The following AFAP1L2 variants were observed in gnomAD, a reference collection of about 807,000 sequenced individuals.
The protein encoded by AFAP1L2 is actin filament associated protein 1 like 2.
Under a neutral mutation model 99.3 loss-of-function variants are expected in AFAP1L2, and 46 were observed. That is an observed-to-expected ratio of 0.46 (90% CI 0.37 to 0.59). AFAP1L2 has a LOEUF of 0.59. Among genes scored for constraint, AFAP1L2 ranks in the 20% least tolerant of loss-of-function variants. The pLI, the probability that AFAP1L2 is intolerant of heterozygous loss-of-function variation, is 0.00. For missense variants in AFAP1L2, 959 were observed against 1,034.9 expected (o/e 0.93, Z 1.01); for synonymous variants, 397 against 419.1 (o/e 0.95, Z 0.64).
At chr10:114,326,824 CTATTCAA>C (rs150549537) in intron 4 of AFAP1L2, among the ~76,000 whole-genome samples, 37 of 152,048 alleles carry the variant, frequency 2.4e-4, no homozygotes, top group African/African-American at 8.4e-4. Flanking sequence ...GTGCCTATCA[CTATTCAA>C]TATTCAATAC....
the AFAP1L2 span, among the ~76,000 whole-genome samples, chr10:114,288,152 G>C: frequency 3.9e-5 from 6 of 152,148 alleles, no homozygotes; most frequent in Admixed American, 1.3e-4. Flanking sequence ...TGCATCCCCT[G>C]CACAGGAGAG....
chr10:114,342,872 G>C (rs1353834106), intron 1 of AFAP1L2, among the ~76,000 whole-genome samples: 1 of 152,252 alleles, frequency 6.6e-6, no homozygotes, highest in Non-Finnish European at 1.5e-5. Flanking sequence ...CAGCGTAGCT[G>C]TCTGTGTCGC....
downstream of AFAP1L2, among the ~76,000 whole-genome samples, chr10:114,292,990 AACC>A: frequency 6.6e-6 from 1 of 152,228 alleles, no homozygotes; most frequent in South Asian, 2.1e-4. Flanking sequence ...TACAGGGGTG[AACC>A]ACTGTGCCTG....
At chr10:114,397,289 G>T (rs2057814013) in intron 1 of AFAP1L2, among the ~76,000 whole-genome samples, 1 of 152,142 alleles carries the variant, frequency 6.6e-6, no homozygotes, top group Non-Finnish European at 1.5e-5. Context: ...GGCAACTACT[G>T]ATCTGTTTCC....
the AFAP1L2 span, among the ~76,000 whole-genome samples, chr10:114,288,589 A>G: frequency 1.3e-5 from 2 of 152,204 alleles, no homozygotes; most frequent in Non-Finnish European, 2.9e-5. Flanking sequence ...TTGAGGTCCA[A>G]GGTCACCATT....
At chr10:114,382,741 A>G (rs2055860015) in intron 1 of AFAP1L2, among the ~76,000 whole-genome samples, 1 of 151,882 alleles carries the variant, frequency 6.6e-6, no homozygotes, top group African/African-American at 2.4e-5. Context: ...GATTACAGGC[A>G]TGTGCCACCA....
chr10:114,315,044 G>A (rs1161671644), intron 6 of AFAP1L2, among the ~76,000 whole-genome samples: 1 of 152,208 alleles, frequency 6.6e-6, no homozygotes. Flanking sequence ...AGGAGGCTGA[G>A]GCAGGAGAAT....
At chr10:114,331,033 G>T (rs935969757) in intron 4 of AFAP1L2, among the ~76,000 whole-genome samples, 1 of 152,146 alleles carries the variant, frequency 6.6e-6, no homozygotes, top group Non-Finnish European at 1.5e-5. Flanking sequence ...TCTAAAGCAG[G>T]CCTGACCACA....
chr10:114,393,370 G>A (rs566427510), intron 1 of AFAP1L2: 16 of 152,336 alleles, frequency 1.1e-4, no homozygotes, highest in African/African-American at 3.8e-4. Flanking sequence ...CCTGATTGGT[G>A]AGCCCCTGTT....
At chr10:114,349,504 G>C (rs538122962) in intron 1 of AFAP1L2, among the ~76,000 whole-genome samples, 2 of 147,192 alleles carry the variant, frequency 1.4e-5, no homozygotes, top group African/African-American at 5.0e-5. Context: ...GATTGCTTGA[G>C]CCCAGGAGTT....
chr10:114,404,610 T>TGGCCCCCGCCAGGGCTCGCCCCC (rs1160662363), upstream of AFAP1L2: 3 of 1,140,652 alleles, frequency 2.6e-6, no homozygotes, highest in Non-Finnish European at 2.2e-6. Flanking sequence ...TCCTCGGACC[T>TGGCCCCCGCCAGGGCTCGCCCCC]GGCCCCCGCC....
rs371478225 is a variant in AFAP1L2, at chr10:114,304,896, C to G, written c.1107G>C (p.Lys369Asn). 5.0e-6 allele frequency: 8 copies of G among 1,613,312 alleles called. No individual in the cohort carries two copies. The highest frequency in any genetic ancestry group is 6.8e-6 in the Non-Finnish European group (8 of 1,179,998). ...YLNVLVNSQW[K>N]SRWCSVRDNH... ...TGTCCCTGACAGAGCACCAGCGAGA[C>G]TTCCACTGGCTGTTCACCAGCACGT... The change falls in exon 11 of 19, where the codon AAG becomes AAC. Residue 369 changes from lysine to asparagine, a missense_variant. By Grantham distance (94) the Lys-to-Asn change is moderately conservative. Coordinates refer to ENST00000304129, the MANE Select transcript of AFAP1L2 (RefSeq NM_001001936.3).
chr10:114,363,631 A>G (rs1248535070), intron 1 of AFAP1L2, among the ~76,000 whole-genome samples: 2 of 152,332 alleles, frequency 1.3e-5, no homozygotes, highest in Middle Eastern at 3.4e-3. Context: ...TATAGATGAA[A>G]CAGGTGGCAG....
chr10:114,308,534 C>T lies in AFAP1L2; in HGVS notation c.883-17G>A. 1 of 1,609,398 alleles carries T rather than the reference C, an allele frequency of 6.2e-7. No homozygotes were observed. Among genetic ancestry groups the T allele is most frequent in the Non-Finnish European group, 8.5e-7 (1 of 1,175,908 alleles). On this transcript the variant is annotated splice_polypyrimidine_tract_variant and intron_variant, in intron 8 of 18. Coordinates refer to ENST00000304129, the MANE Select transcript of AFAP1L2 (RefSeq NM_001001936.3). ...TATATCTGGCTATGGACAAAAGCGA[C>T]ATGAATGGGGATCACTGGCTGGGAA...
In AFAP1L2 at chr10:114,327,170, TATA is replaced by T. The variant is rs1445919419; in HGVS notation, c.316-3912_316-3910del. Among the ~76,000 whole-genome samples, 68 of 76,394 alleles carry T rather than the reference TATA, an allele frequency of 8.9e-4. 10 individuals carry two copies. The highest frequency in any genetic ancestry group is 1.5e-3 in the African/African-American group (39 of 26,004). 50.1% of individuals were successfully genotyped at this position (76,394 alleles called of 152,430 possible). A position where few individuals can be genotyped will look rare whatever the true frequency, so the allele number is the denominator to read the frequency against. On this transcript the variant is annotated intron_variant, in intron 4 of 18. Coordinates refer to ENST00000304129, the MANE Select transcript of AFAP1L2 (RefSeq NM_001001936.3). ...ATTTATATATATATATATATATATA[TATA>T]TTTTTTTTTTAGGCAGAGTCTCACT... is the stretch of plus-strand genomic sequence containing the variant.
intron 5 of AFAP1L2, among the ~76,000 whole-genome samples, chr10:114,316,827 C>A (rs186697555): frequency 1.3e-5 from 2 of 152,324 alleles, no homozygotes; most frequent in East Asian, 3.9e-4. Flanking sequence ...GGATTTCAGT[C>A]CAACCCCTGG....
intron 1 of AFAP1L2, among the ~76,000 whole-genome samples, chr10:114,368,050 G>A (rs1184577568): frequency 1.3e-5 from 2 of 152,214 alleles, no homozygotes; most frequent in Non-Finnish European, 2.9e-5. Flanking sequence ...ACTTGATACA[G>A]TAGATAAGAG....
At chr10:114,287,704 A>G in the AFAP1L2 span, among the ~76,000 whole-genome samples, 1 of 152,192 alleles carries the variant, frequency 6.6e-6, no homozygotes, top group Non-Finnish European at 1.5e-5. Context: ...AAAAAAAATA[A>G]TAGTTGTAGA....
Position 114,295,042 on chromosome 10 carries a change from C to T in AFAP1L2, c.*1000G>A. 1 of 966,106 alleles carries T rather than the reference C, an allele frequency of 1.0e-6. No homozygotes were observed. The highest frequency in any genetic ancestry group is 1.2e-6 in the Non-Finnish European group (1 of 819,700). The allele number at this position is 966,106 out of a possible 1,614,324, so 59.8% of individuals were successfully genotyped here. On this transcript the variant is annotated 3_prime_UTR_variant, in exon 19 of 19. Coordinates refer to ENST00000304129, the MANE Select transcript of AFAP1L2 (RefSeq NM_001001936.3). ...AAAAAAAAAAAAAAAAAAATGCCATCAGAGGAAAAGACAGGGGCAGCACAA... is the reference window on the plus strand; with the variant it reads ...AAAAAAAAAAAAAAAAAAATGCCATTAGAGGAAAAGACAGGGGCAGCACAA...
Sources: allele counts gnomAD v4.1 joint callset (sites outside exome capture counted in the v4.1 genomes callset), GRCh38; gene constraint gnomAD v4.1.1; transcripts MANE v1.5; gene names NCBI Gene and HGNC (gene_info 2026-07-23, HGNC 2026-07-21).